C2orf69: variants seen among roughly 807,000 people sequenced by gnomAD.
C2orf69 encodes the protein mitochondrial protein C2orf69.
C2orf69 carries 19 observed loss-of-function variants against 29.5 expected under a neutral mutation model. The observed-to-expected ratio is 0.65, with a 90% CI of 0.45 to 0.95. The LOEUF is 0.95. Ranked by LOEUF, C2orf69 falls within the 40% of genes least tolerant of loss-of-function variation. The pLI, the probability that C2orf69 is intolerant of heterozygous loss-of-function variation, is 0.00. For missense variants in C2orf69, 416 were observed against 482.1 expected, an observed-to-expected ratio of 0.86 and a Z score of 1.28; for synonymous variants, 194 against 180.0, an observed-to-expected ratio of 1.08 and a Z score of -0.62.
Position 199,927,172 on chromosome 2 carries a change from C to A in C2orf69, c.*1286C>A, listed in dbSNP as rs2077338441. 6.6e-6 allele frequency: 1 copy of A among 151,966 alleles called. No homozygotes were observed. 9.4% of individuals were successfully genotyped at this position (151,966 alleles called of 1,614,324 possible). A position where few individuals can be genotyped will look rare whatever the true frequency, so the allele number is the denominator to read the frequency against. On this transcript the variant is annotated 3_prime_UTR_variant, in exon 2 of 2. Transcript: ENST00000319974. Reference sequence around the variant, plus strand: ...CCTAGATAAATACACTTTGAGAAATCCAGATCTAATAAATGTCAACCAACA... The same window carrying A: ...CCTAGATAAATACACTTTGAGAAATACAGATCTAATAAATGTCAACCAACA...
chr2:199,927,830 A>C lies in C2orf69; in HGVS notation c.*1944A>C, dbSNP rs2077341657. The C allele has an allele frequency of 6.6e-6, 1 of 152,142 alleles. No individual in the cohort carries two copies. The highest frequency in any genetic ancestry group is 1.5e-5 in the Non-Finnish European group (1 of 67,978). The allele number at this position is 152,142 out of a possible 1,614,324, so 9.4% of individuals were successfully genotyped here. On this transcript the variant is annotated 3_prime_UTR_variant, in exon 2 of 2. Transcript: ENST00000319974. Reference sequence around the variant, plus strand: ...GGGAAGAAAAAGCATTTATTTTCACATGATTAACTGAAATGGAAAAGTAAG... The same window carrying C: ...GGGAAGAAAAAGCATTTATTTTCACCTGATTAACTGAAATGGAAAAGTAAG...
At chr2:199,922,083 T>A (rs1574782874) in intron 1 of C2orf69, among the ~76,000 whole-genome samples, 1 of 112,386 alleles carries the variant, frequency 8.9e-6, no homozygotes, top group Non-Finnish European at 1.8e-5. Flanking sequence ...TACTTATGTG[T>A]TTTTTTCCTT....
Position 199,922,031 on chromosome 2 carries a change from TTATATATATATA to T in C2orf69, c.334-3019_334-3008del, listed in dbSNP as rs370430093. Among the ~76,000 whole-genome samples, 2 of 78,984 alleles carry T rather than the reference TTATATATATATA, an allele frequency of 2.5e-5. 1 individual carries two copies. Among genetic ancestry groups the T allele is most frequent in the African/African-American group, 1.1e-4 (2 of 18,902 alleles). 51.8% of individuals were successfully genotyped at this position (78,984 alleles called of 152,430 possible). On this transcript the variant is annotated intron_variant, in intron 1 of 1. Coordinates refer to ENST00000319974, the MANE Select transcript of C2orf69 (RefSeq NM_153689.6). ...TTCCCCAAGGCTGCCACTGTTATTT[TTATATATATATA>T]TATATATATATGCTTCCAGAGACAT...
rs956629186 is a variant in C2orf69 at position 199,911,423 on chromosome 2, C to G, written c.-16C>G. The G allele has an allele frequency of 1.1e-5, 17 of 1,505,554 alleles. No homozygotes were observed. The highest frequency in any genetic ancestry group is 2.8e-5 in the African/African-American group (2 of 70,290). The allele number at this position is 1,505,554 out of a possible 1,614,324, so 93.3% of individuals were successfully genotyped here. A position where few individuals can be genotyped will look rare whatever the true frequency, so the allele number is the denominator to read the frequency against. ...CGCCACCCTCCACCTCCGAACCGCT[C>G]TCGCGGCGGCGACCCATGTGGGGGT... is the stretch of plus-strand genomic sequence containing the variant. On this transcript the variant is annotated 5_prime_UTR_variant, in exon 1 of 2. Coordinates refer to ENST00000319974, the MANE Select transcript of C2orf69 (RefSeq NM_153689.6).
In C2orf69 at chr2:199,925,129, T is replaced by G; in HGVS notation, c.401T>G (p.Val134Gly). ...YQWENWSLEN[V>G]ATILAHRFPN... ...TGGGAAAACTGGAGTCTAGAAAATG[T>G]TGCTACCATTTTAGCCCACCGGTTC... is the stretch of plus-strand genomic sequence containing the variant. Residue 134 changes from valine to glycine, a missense_variant, in exon 2 of 2, where the codon GTT (valine) becomes GGT (glycine). Val to Gly is a moderately radical substitution (Grantham distance 109). This residue lies in a region of C2orf69 where 225 missense variants were observed against 307.3 expected (regional missense o/e 0.73). Coordinates refer to ENST00000319974, the MANE Select transcript of C2orf69 (RefSeq NM_153689.6). The surrounding 1 kb of genome is among the most constrained non-coding windows in gnomAD (Gnocchi z 4.9). 6.2e-7 allele frequency: 1 copy of G among 1,612,994 alleles called. No homozygotes were observed.
Position 199,911,629 on chromosome 2 carries a change from A to G in C2orf69, c.191A>G (p.Asp64Gly). Residue 64 changes from aspartate to glycine, a missense_variant, in exon 1 of 2, where the codon GAT becomes GGT. By Grantham distance (94) the Asp-to-Gly change is moderately conservative. Coordinates refer to ENST00000319974, the MANE Select transcript of C2orf69 (RefSeq NM_153689.6). ...CAGCTTTCCACCGTGCCTGGAGCCGATCCGCAGCGCAGCAACGAATTGCTC... is the reference window on the plus strand; with the variant it reads ...CAGCTTTCCACCGTGCCTGGAGCCGGTCCGCAGCGCAGCAACGAATTGCTC... ...CLQLSTVPGA[D>G]PQRSNELLLL... The G allele has an allele frequency of 6.5e-7, 1 of 1,549,522 alleles. No homozygotes were observed. The highest frequency in any genetic ancestry group is 1.2e-5 in the South Asian group (1 of 83,986).
In C2orf69 at chr2:199,925,001, T is replaced by G. The variant is rs2077330363; in HGVS notation, c.334-61T>G. The G allele has an allele frequency of 1.9e-6, 2 of 1,037,268 alleles. No individual in the cohort carries two copies. Among genetic ancestry groups the G allele is most frequent in the Non-Finnish European group, 2.8e-6 (2 of 710,384 alleles). The allele number at this position is 1,037,268 out of a possible 1,614,324, so 64.3% of individuals were successfully genotyped here. A position where few individuals can be genotyped will look rare whatever the true frequency, so the allele number is the denominator to read the frequency against. On this transcript the variant is annotated intron_variant, in intron 1 of 1. Coordinates refer to ENST00000319974, the MANE Select transcript of C2orf69 (RefSeq NM_153689.6). This position sits in a 1 kb window ranked among gnomAD's most constrained non-coding sequence, Gnocchi z 4.9. ...CCACAATAAAAATGGAAACTTATTT[T>G]GTGGAAATCATTTTATGTAAATATG... is the stretch of plus-strand genomic sequence containing the variant.
Position 199,911,758 on chromosome 2 carries a change from C to T in C2orf69, c.320C>T (p.Pro107Leu). Residue 107 changes from proline (P) to leucine (L), a missense_variant, in exon 1 of 2, where the codon CCT becomes CTT. This residue lies in a region of C2orf69 where 225 missense variants were observed against 307.3 expected (regional missense o/e 0.73). Coordinates refer to ENST00000319974, the MANE Select transcript of C2orf69 (RefSeq NM_153689.6). ...CCCCAGCATCACGTCCTCTATTTCC[C>T]TGGGGATGTGCAGGTAACTCGGGGC... ...PPPQHHVLYF[P>L]GDVQNYHEIM... The T allele has an allele frequency of 1.3e-6, 2 of 1,539,356 alleles. No individual in the cohort carries two copies. The highest frequency in any genetic ancestry group is 1.7e-4 in the Middle Eastern group (1 of 5,992).
At chr2:199,923,824 T>C (rs1202607425) in intron 1 of C2orf69, among the ~76,000 whole-genome samples, 1 of 152,222 alleles carries the variant, frequency 6.6e-6, no homozygotes. Context: ...TTATTTCTGT[T>C]GGACAGTGCT....
At chr2:199,922,633 A>C (rs1485143429) in intron 1 of C2orf69, among the ~76,000 whole-genome samples, 1 of 152,204 alleles carries the variant, frequency 6.6e-6, no homozygotes, top group Non-Finnish European at 1.5e-5. Flanking sequence ...TCACCATTAG[A>C]AATAAGGAAA....
At position 199,927,059 on chromosome 2, in the gene C2orf69, C is replaced by A. The variant is rs1193190326; in HGVS notation, c.*1173C>A. On this transcript the variant is annotated 3_prime_UTR_variant, in exon 2 of 2. Transcript: ENST00000319974. ...AGTTACAAGGGAAAGTTTGAAGACA[C>A]AAATGATTTAATTTTGGCTCAAAAA... The A allele has an allele frequency of 6.6e-6, 1 of 152,472 alleles. No homozygotes were observed. The highest frequency in any genetic ancestry group is 2.4e-5 in the African/African-American group (1 of 41,428). 9.4% of individuals were successfully genotyped at this position (152,472 alleles called of 1,614,324 possible). A position where few individuals can be genotyped will look rare whatever the true frequency, so the allele number is the denominator to read the frequency against.
In C2orf69 at chr2:199,911,334, C is replaced by G. The variant is rs1038961463; in HGVS notation, c.-105C>G. ...TCAGCGCCGGCTCCCGGCCGGGCCGCGGCCGCCGACCGTTGAGCCGCCGGC... is the reference window on the plus strand; with the variant it reads ...TCAGCGCCGGCTCCCGGCCGGGCCGGGGCCGCCGACCGTTGAGCCGCCGGC... On this transcript the variant is annotated 5_prime_UTR_variant, in exon 1 of 2. Transcript: ENST00000319974. 7.6e-7 allele frequency: 1 copy of G among 1,320,992 alleles called. No homozygotes were observed. 81.8% of individuals were successfully genotyped at this position (1,320,992 alleles called of 1,614,324 possible).
chr2:199,927,462 G>A lies in C2orf69; in HGVS notation c.*1576G>A, dbSNP rs1414389389. On this transcript the variant is annotated 3_prime_UTR_variant, in exon 2 of 2. Coordinates refer to ENST00000319974, the MANE Select transcript of C2orf69 (RefSeq NM_153689.6). ...TCCATAAATACATTCCAAATATTCA[G>A]AGATTCATGAGAAAGGATTCTTAAC... is the stretch of plus-strand genomic sequence containing the variant. 1 of 151,580 alleles carries A rather than the reference G, an allele frequency of 6.6e-6. No homozygotes were observed. Among genetic ancestry groups the A allele is most frequent in the Non-Finnish European group, 1.5e-5 (1 of 67,872 alleles). 9.4% of individuals were successfully genotyped at this position (151,580 alleles called of 1,614,324 possible).
At chr2:199,916,054 G>A (rs951419904) in intron 1 of C2orf69, among the ~76,000 whole-genome samples, 1 of 152,150 alleles carries the variant, frequency 6.6e-6, no homozygotes, top group African/African-American at 2.4e-5. Flanking sequence ...AGACATACCC[G>A]AGGCTGGGTA....
At position 199,911,432 on chromosome 2, in the gene C2orf69, G is replaced by GCGA; in HGVS notation, c.-5_-3dup. ...CCACCTCCGAACCGCTCTCGCGGCG[G>GCGA]CGACCCATGTGGGGGTTCAGGCTCC... On this transcript the variant is annotated 5_prime_UTR_variant, in exon 1 of 2. Transcript: ENST00000319974. 2.6e-6 allele frequency: 4 copies of GCGA among 1,511,894 alleles called. No homozygotes were observed. Among genetic ancestry groups the GCGA allele is most frequent in the Non-Finnish European group, 3.5e-6 (4 of 1,130,364 alleles). The allele number at this position is 1,511,894 out of a possible 1,614,324, so 93.7% of individuals were successfully genotyped here. A position where few individuals can be genotyped will look rare whatever the true frequency, so the allele number is the denominator to read the frequency against.
At chr2:199,913,509 AT>A (rs2077282304) in intron 1 of C2orf69, among the ~76,000 whole-genome samples, 1 of 24,838 alleles carries the variant, frequency 4.0e-5, no homozygotes, top group Admixed American at 9.3e-4. Context: ...TAAAATATAT[AT>A]TATACTATAT....
chr2:199,915,303 A>G (rs1319543949), intron 1 of C2orf69, among the ~76,000 whole-genome samples: 2 of 152,082 alleles, frequency 1.3e-5, no homozygotes, highest in African/African-American at 4.8e-5. Context: ...ACTATTTTTT[A>G]GAGAGACAGG....
chr2:199,922,031 T>TTTATATATATATATA (rs1553566020), intron 1 of C2orf69, among the ~76,000 whole-genome samples: 1 of 78,984 alleles, frequency 1.3e-5, no homozygotes, highest in African/African-American at 5.3e-5. Flanking sequence ...ACTGTTATTT[T>TTTATATATATATATA]TATATATATA....
At position 199,925,570 on chromosome 2, in the gene C2orf69, A is replaced by G; in HGVS notation, c.842A>G (p.Lys281Arg). The G allele has an allele frequency of 1.2e-6, 2 of 1,613,942 alleles. No individual in the cohort carries two copies. Among genetic ancestry groups the G allele is most frequent in the Non-Finnish European group, 1.7e-6 (2 of 1,179,836 alleles). ...NQLLFELKEA[K>R]KDKNIDAFIK... ...TTGCTTTTTGAATTGAAAGAAGCCA[A>G]GAAAGACAAGAACATAGATGCTTTT... is the stretch of plus-strand genomic sequence containing the variant. The change falls in exon 2 of 2, where the codon AAG becomes AGG. Residue 281 changes from lysine (K) to arginine (R), a missense_variant. Coordinates refer to ENST00000319974, the MANE Select transcript of C2orf69 (RefSeq NM_153689.6). The surrounding 1 kb of genome is among the most constrained non-coding windows in gnomAD (Gnocchi z 4.9).
Sources: gnomAD v4.1 joint callset for allele counts (sites outside exome capture counted in the v4.1 genomes callset) on GRCh38, gnomAD v4.1.1 for gene constraint, gnomAD v4.1.1 regional missense constraint, Gnocchi (gnomAD v3.1) non-coding constraint, MANE v1.5 for transcripts, NCBI Gene and HGNC (gene_info 2026-07-23, HGNC 2026-07-21) for gene names.